The following RIMS2 variants were observed in gnomAD, a reference collection of about 807,000 sequenced individuals.
RIMS2 encodes regulating synaptic membrane exocytosis protein 2.
Under a neutral mutation model 174.4 loss-of-function variants are expected in RIMS2, and 59 were observed. The observed-to-expected ratio is 0.34, with a 90% CI of 0.27 to 0.42. RIMS2 has a LOEUF of 0.42. Ranked by LOEUF, RIMS2 falls within the 10% of genes least tolerant of loss-of-function variation. The pLI, the probability that RIMS2 is intolerant of heterozygous loss-of-function variation, is 1.00. For synonymous variants in RIMS2, 606 were observed against 572.5 expected, an observed-to-expected ratio of 1.06 and a Z score of -0.84; for missense variants, 1,620 against 1,666.3, an observed-to-expected ratio of 0.97 and a Z score of 0.48.
At chr8:103,594,764 A>G (rs962456459) in intron 1 of RIMS2, among the ~76,000 whole-genome samples, 2 of 151,788 alleles carry the variant, frequency 1.3e-5, no homozygotes, top group African/African-American at 4.8e-5. Flanking sequence ...GAAAATATAG[A>G]CAAAGTAGGT....
intron 1 of RIMS2, among the ~76,000 whole-genome samples, chr8:103,600,476 G>C (rs2094682077): frequency 6.6e-6 from 1 of 152,052 alleles, no homozygotes; most frequent in Non-Finnish European, 1.5e-5. Context: ...TTGCCATATT[G>C]GCGAGGCTGG....
intron 17 of RIMS2, among the ~76,000 whole-genome samples, chr8:104,007,122 A>G (rs118120481): frequency 6.6e-4 from 100 of 152,282 alleles, no homozygotes; most frequent in Non-Finnish European, 1.2e-3. Flanking sequence ...TTTGGATTAT[A>G]TAACTTCTGA....
At chr8:104,002,959 G>A (rs935971105) in intron 17 of RIMS2, among the ~76,000 whole-genome samples, 1 of 152,078 alleles carries the variant, frequency 6.6e-6, no homozygotes, top group Non-Finnish European at 1.5e-5. Flanking sequence ...GATTCATTGT[G>A]CATTTTTAAA....
intron 19 of RIMS2, among the ~76,000 whole-genome samples, chr8:104,082,078 A>G (rs183704051): frequency 1.2e-4 from 18 of 152,158 alleles, no homozygotes; most frequent in Non-Finnish European, 4.4e-5. Flanking sequence ...ATCAGCTTTA[A>G]TTCTGGATTC....
At chr8:103,749,500 TAGTA>T (rs1430830792) in intron 2 of RIMS2, among the ~76,000 whole-genome samples, 2 of 152,116 alleles carry the variant, frequency 1.3e-5, no homozygotes, top group African/African-American at 4.8e-5. Flanking sequence ...TTTTGGTACA[TAGTA>T]GGTGTATATA....
At chr8:103,845,437 A>G (rs1215157100) in intron 3 of RIMS2, among the ~76,000 whole-genome samples, 1 of 152,120 alleles carries the variant, frequency 6.6e-6, no homozygotes, top group African/African-American at 2.4e-5. Flanking sequence ...TAATATTTTG[A>G]TGCCTTACAA....
intron 19 of RIMS2, among the ~76,000 whole-genome samples, chr8:104,023,671 T>A (rs1292459599): frequency 6.6e-6 from 1 of 152,170 alleles, no homozygotes. Flanking sequence ...CAAGTGAAGA[T>A]GCCAAATTAA....
intron 3 of RIMS2, among the ~76,000 whole-genome samples, chr8:103,836,219 G>T (rs1351246520): frequency 6.6e-6 from 1 of 152,164 alleles, no homozygotes; most frequent in African/African-American, 2.4e-5. Context: ...GTGTGCTGAA[G>T]AATTTTATGA....
intron 3 of RIMS2, among the ~76,000 whole-genome samples, chr8:103,843,927 G>A (rs1464604922): frequency 6.6e-6 from 1 of 152,128 alleles, no homozygotes; most frequent in African/African-American, 2.4e-5. Context: ...GTTGTGGGAG[G>A]GACCCAGTAG....
At chr8:103,579,155 C>G (rs1027586142) in intron 1 of RIMS2, among the ~76,000 whole-genome samples, 1 of 151,982 alleles carries the variant, frequency 6.6e-6, no homozygotes, top group Admixed American at 6.6e-5. Flanking sequence ...GTAATCCCAG[C>G]TACTTGAGAG....
At chr8:103,586,233 T>A (rs1231085203) in intron 1 of RIMS2, among the ~76,000 whole-genome samples, 2 of 152,224 alleles carry the variant, frequency 1.3e-5, no homozygotes, top group African/African-American at 4.8e-5. Flanking sequence ...TAATATTCAC[T>A]ATAGATCAAA....
At chr8:103,785,526 A>C (rs568465426) in intron 3 of RIMS2, among the ~76,000 whole-genome samples, 1 of 152,140 alleles carries the variant, frequency 6.6e-6, no homozygotes, top group Non-Finnish European at 1.5e-5. Context: ...TATTGAGATA[A>C]TGATGTGGTT....
intron 19 of RIMS2, among the ~76,000 whole-genome samples, chr8:104,031,007 T>C (rs2096380777): frequency 6.6e-6 from 1 of 152,164 alleles, no homozygotes; most frequent in Admixed American, 6.6e-5. Flanking sequence ...TATATATTTA[T>C]TAAATGAATG....
intron 19 of RIMS2, among the ~76,000 whole-genome samples, chr8:104,162,685 T>C (rs1245708833): frequency 1.3e-5 from 2 of 152,210 alleles, no homozygotes; most frequent in Non-Finnish European, 2.9e-5. Context: ...TTTATTTAAC[T>C]GGACATATTT....
intron 1 of RIMS2, among the ~76,000 whole-genome samples, chr8:103,662,381 A>T (rs1431522483): frequency 6.6e-6 from 1 of 152,224 alleles, no homozygotes; most frequent in East Asian, 1.9e-4. Context: ...AAATTGTAAA[A>T]AATGTAAATA....
At chr8:104,094,007 A>G (rs12546230) in intron 19 of RIMS2, among the ~76,000 whole-genome samples, 2,538 of 152,084 alleles carry the variant, frequency 0.017, 78 homozygotes, top group Admixed American at 0.069. Flanking sequence ...TTGTTATTAG[A>G]AAACATAAGA....
chr8:104,101,037 TTATATTA>T (rs1232357162), intron 19 of RIMS2, among the ~76,000 whole-genome samples: 1 of 142,534 alleles, frequency 7.0e-6, no homozygotes, highest in Non-Finnish European at 1.5e-5. Context: ...ATGTTATATA[TTATATTA>T]TATATTACAT....
At chr8:103,607,126 G>C (rs1414322494) in intron 1 of RIMS2, among the ~76,000 whole-genome samples, 2 of 152,076 alleles carry the variant, frequency 1.3e-5, no homozygotes, top group Admixed American at 6.5e-5. Flanking sequence ...GCATGATTTT[G>C]CAGTGGCTGG....
chr8:103,931,731 G>A (rs919941476), intron 12 of RIMS2, among the ~76,000 whole-genome samples: 1 of 151,814 alleles, frequency 6.6e-6, no homozygotes, highest in African/African-American at 2.4e-5. Flanking sequence ...AGAATTTTTA[G>A]TCAAAAATAC....
Sources: gnomAD v4.1 joint callset for allele counts (sites outside exome capture counted in the v4.1 genomes callset) on GRCh38, gnomAD v4.1.1 for gene constraint, MANE v1.5 for transcripts, NCBI Gene and HGNC (gene_info 2026-07-23, HGNC 2026-07-21) for gene names.